Variants in BSN observed in about 807,000 individuals in gnomAD.
BSN encodes protein bassoon.
Under a neutral mutation model 264.8 loss-of-function variants are expected in BSN, and 57 were observed. The observed-to-expected ratio is 0.22, with a 90% confidence interval of 0.17 to 0.27. BSN has a LOEUF of 0.27. Ranked by LOEUF, BSN falls within the 10% of genes least tolerant of loss-of-function variation. BSN has a pLI of 1.00. For missense variants in BSN, 4,615 were observed against 5,232.5 expected, an observed-to-expected ratio of 0.88 and a Z score of 3.64; for synonymous variants, 2,059 against 2,137.3, an observed-to-expected ratio of 0.96 and a Z score of 1.01.
intron 1 of BSN, among the ~76,000 whole-genome samples, chr3:49,577,576 G>A (rs2051855641): frequency 6.8e-6 from 1 of 146,810 alleles, no homozygotes; most frequent in Non-Finnish European, 1.5e-5. Context: ...GTCTCGCACT[G>A]TCGCCCAGGC....
Position 49,656,378 on chromosome 3 carries a change from A to C in BSN, c.6822A>C (p.Pro2274=), listed in dbSNP as rs761752028. Residue 2274 remains proline (P), a synonymous_variant, in exon 5 of 12, where the codon CCA becomes CCC. Coordinates refer to ENST00000296452, the MANE Select transcript of BSN (RefSeq NM_003458.4). ...GATTTCCCATTGCTTCCAGTGTTCC[A>C]CCTGCAGAAGGGCCTGTCTATCTGG... ...PSRFPIASSV[P]PAEGPVYLGK... 1 of 1,597,520 alleles carries C rather than the reference A, an allele frequency of 6.3e-7. No individual in the cohort carries two copies. Among genetic ancestry groups the C allele is most frequent in the African/African-American group, 1.3e-5 (1 of 74,636 alleles).
intron 8 of BSN, 142 bp downstream of exon 8, chr3:49,664,028 C>G (rs1028593320): frequency 1.2e-6 from 1 of 825,308 alleles, no homozygotes; most frequent in Non-Finnish European, 1.9e-6. Context: ...GTAGACCTCC[C>G]CAGCAGAAAA....
At chr3:49,570,065 T>A (rs962592731) in intron 1 of BSN, among the ~76,000 whole-genome samples, 2 of 152,164 alleles carry the variant, frequency 1.3e-5, no homozygotes, top group Non-Finnish European at 2.9e-5. Context: ...GGATGCAGGC[T>A]GTAGCACACG....
chr3:49,650,446 TTA>T (rs1461949387), intron 3 of BSN, among the ~76,000 whole-genome samples, 164 bp from the exon 4 acceptor site: 1 of 152,218 alleles, frequency 6.6e-6, no homozygotes, highest in Non-Finnish European at 1.5e-5. Context: ...GGGGAATTTG[TTA>T]TTTGGGGGCA....
At chr3:49,563,153 G>A (rs80257546) in intron 1 of BSN, among the ~76,000 whole-genome samples, 6 of 152,308 alleles carry the variant, frequency 3.9e-5, no homozygotes, top group Non-Finnish European at 7.4e-5. Context: ...CCATTGTGTG[G>A]CAGAGATTTT....
rs1559603522 is a variant in BSN, at chr3:49,606,181, A to ATATATTATATATACATATATTATATG, written c.225-18789_225-18788insTATATATACATATATTATATGTATAT. On this transcript the variant is annotated intron_variant, in intron 1 of 11. Transcript: ENST00000296452. ...TTATATATACATATATTATATATGT[A>ATATATTATATATACATATATTATATG]TATATATTATATATACATATATTAT... Among the ~76,000 whole-genome samples, 18 of 6,806 alleles carry ATATATTATATATACATATATTATATG rather than the reference A, an allele frequency of 2.6e-3. 7 individuals are homozygous for ATATATTATATATACATATATTATATG. The highest frequency in any genetic ancestry group is 4.0e-3 in the Non-Finnish European group (16 of 3,976). The allele number at this position is 6,806 out of a possible 152,430, so 4.5% of individuals were successfully genotyped here.
At chr3:49,561,299 C>A (rs2051709918) in intron 1 of BSN, among the ~76,000 whole-genome samples, 2 of 152,232 alleles carry the variant, frequency 1.3e-5, no homozygotes, top group Non-Finnish European at 2.9e-5. Flanking sequence ...TGAGGAGATC[C>A]AAGAGCCTCA....
intron 11 of BSN, among the ~76,000 whole-genome samples, chr3:49,666,794 G>A (rs2052716793): frequency 6.6e-6 from 1 of 152,162 alleles, no homozygotes; most frequent in African/African-American, 2.4e-5. Context: ...GTGGGAGCCA[G>A]CTGGGGTGGG....
At chr3:49,563,357 C>G (rs373487528) in intron 1 of BSN, among the ~76,000 whole-genome samples, 4 of 152,372 alleles carry the variant, frequency 2.6e-5, no homozygotes, top group African/African-American at 9.6e-5. Context: ...CTGTTCTCAG[C>G]TGTGCTCGGC....
At chr3:49,621,499 A>G (rs1248819211) in intron 1 of BSN, among the ~76,000 whole-genome samples, 2 of 152,084 alleles carry the variant, frequency 1.3e-5, no homozygotes, top group African/African-American at 4.8e-5. Context: ...CAAATAGTGA[A>G]CTTATTTCAG....
chr3:49,565,428 C>G (rs935080334), intron 1 of BSN, among the ~76,000 whole-genome samples: 2 of 150,296 alleles, frequency 1.3e-5, no homozygotes, highest in Non-Finnish European at 2.9e-5. Context: ...TCGCGCCATT[C>G]TCCTGCCTCA....
In BSN at chr3:49,554,585, C is replaced by T. The variant is rs1559590236; in HGVS notation, c.-18C>T. ...CGGGCGCAGCGCGACCCCGACCCCG[C>T]CCGCCCGCCTGCCCGCCATGGGCAA... On this transcript the variant is annotated 5_prime_UTR_variant, in exon 1 of 12. Transcript: ENST00000296452. The T allele has an allele frequency of 5.2e-6, 5 of 966,122 alleles. No individual in the cohort carries two copies. Among genetic ancestry groups the T allele is most frequent in the Non-Finnish European group, 6.2e-6 (5 of 812,774 alleles). The allele number at this position is 966,122 out of a possible 1,614,324, so 59.8% of individuals were successfully genotyped here.
rs751585229 is a variant in BSN, at chr3:49,663,850, C to G, written c.11572C>G (p.Pro3858Ala). ...TAKAPQQGRAPQAQPAPGPGP... is the reference protein window; with the variant it reads ...TAKAPQQGRAAQAQPAPGPGP... ...CAAAGCACCGCAACAGGGGAGGGCT[C>G]CTCAGGCCCAGCCAGCACCAGGACC... The change falls in exon 8 of 12, where the codon CCT becomes GCT. Residue 3858 changes from proline to alanine, a missense_variant. By Grantham distance (27) the Pro-to-Ala change is conservative. Around this residue, in one of 3 missense-constraint regions of BSN, gnomAD observed 3,415 missense variants for 3,866.4 expected, o/e 0.88. Transcript: ENST00000296452. 1 of 1,614,096 alleles carries G rather than the reference C, an allele frequency of 6.2e-7. No individual in the cohort carries two copies. Among genetic ancestry groups the G allele is most frequent in the Non-Finnish European group, 8.5e-7 (1 of 1,180,018 alleles).
intron 1 of BSN, among the ~76,000 whole-genome samples, chr3:49,570,203 C>T (rs991558201): frequency 2.0e-5 from 3 of 152,126 alleles, no homozygotes; most frequent in Non-Finnish European, 4.4e-5. Flanking sequence ...GCCTGGCAGC[C>T]TAAGATACAC....
chr3:49,575,823 A>G (rs1403913107), intron 1 of BSN, among the ~76,000 whole-genome samples: 1 of 151,176 alleles, frequency 6.6e-6, no homozygotes, highest in Non-Finnish European at 1.5e-5. Context: ...TTCCAGCATT[A>G]TTACTTTTCT....
intron 1 of BSN, among the ~76,000 whole-genome samples, chr3:49,560,226 A>C (rs556841179): frequency 1.3e-5 from 2 of 151,794 alleles, no homozygotes; most frequent in South Asian, 4.2e-4. Flanking sequence ...TCCTCTTGTT[A>C]GTTGTGGGGG....
At chr3:49,569,013 C>T (rs1441136003) in intron 1 of BSN, among the ~76,000 whole-genome samples, 1 of 152,020 alleles carries the variant, frequency 6.6e-6, no homozygotes, top group African/African-American at 2.4e-5. Flanking sequence ...TGAATATATT[C>T]TGGAAATTGA....
In BSN at chr3:49,670,532, C is replaced by CT. The variant is rs1473200968; in HGVS notation, c.*3049dup. 1.3e-5 allele frequency: 2 copies of CT among 152,266 alleles called. No individual in the cohort carries two copies. The highest frequency in any genetic ancestry group is 2.9e-5 in the Non-Finnish European group (2 of 68,074). 9.4% of individuals were successfully genotyped at this position (152,266 alleles called of 1,614,324 possible). ...GCAGGCCTCTGGTCCATGGACTGTCCTTCCTGGCCCTTGCATGGATGCAGT... is the reference window on the plus strand; with the variant it reads ...GCAGGCCTCTGGTCCATGGACTGTCCTTTCCTGGCCCTTGCATGGATGCAGT... On this transcript the variant is annotated 3_prime_UTR_variant, in exon 12 of 12. Transcript: ENST00000296452.
At chr3:49,581,563 C>T (rs1280349801) in intron 1 of BSN, among the ~76,000 whole-genome samples, 4 of 152,190 alleles carry the variant, frequency 2.6e-5, no homozygotes, top group Non-Finnish European at 5.9e-5. Context: ...TGGTGGCTTA[C>T]GCCTGTAATC....
Sources: gnomAD v4.1 joint callset for allele counts (sites outside exome capture counted in the v4.1 genomes callset) on GRCh38, gnomAD v4.1.1 for gene constraint, gnomAD v4.1.1 regional missense constraint, MANE v1.5 for transcripts, NCBI Gene and HGNC (gene_info 2026-07-23, HGNC 2026-07-21) for gene names.